The following PRKG1 variants were observed in gnomAD, a reference collection of about 807,000 sequenced individuals.
PRKG1 encodes protein kinase cGMP-dependent 1, also known as cGMP-dependent protein kinase 1.
A neutral mutation model predicts 88.1 loss-of-function variants in PRKG1; 35 were observed. The ratio of observed to expected loss-of-function variants is 0.40; its 90% CI spans 0.30 to 0.53. PRKG1 has a LOEUF of 0.53. Ranked by LOEUF, PRKG1 falls within the 20% of genes least tolerant of loss-of-function variation. The probability of loss-of-function intolerance (pLI) is 0.59; values close to 1 mark genes in which losing one functional copy is unlikely to be tolerated. For synonymous variants in PRKG1, 303 were observed against 292.5 expected, an observed-to-expected ratio of 1.04 and a Z score of -0.37; for missense variants, 540 against 839.8, an observed-to-expected ratio of 0.64 and a Z score of 4.41.
At chr10:52,114,774 G>A (rs114483320) in intron 7 of PRKG1, among the ~76,000 whole-genome samples, 2,727 of 152,078 alleles carry the variant, frequency 0.018, 80 homozygotes, top group African/African-American at 0.058. Context: ...TGCCTTCTCA[G>A]TGCTCCCAAT....
intron 2 of PRKG1, among the ~76,000 whole-genome samples, chr10:51,342,218 T>C (rs1434327826): frequency 6.6e-6 from 1 of 152,134 alleles, no homozygotes; most frequent in East Asian, 1.9e-4. Flanking sequence ...ATTTGTAGGA[T>C]AAGTAATAGG....
intron 3 of PRKG1, among the ~76,000 whole-genome samples, chr10:51,753,941 T>TTTG (rs201706072): frequency 2.0e-5 from 3 of 152,108 alleles, no homozygotes; most frequent in Non-Finnish European, 2.9e-5. Flanking sequence ...CTTTGATCGT[T>TTTG]TTGTTGTTGT....
intron 4 of PRKG1, among the ~76,000 whole-genome samples, chr10:51,898,028 CTT>C (rs1448954524): frequency 6.6e-6 from 1 of 152,126 alleles, no homozygotes. Context: ...TAATCTCCCT[CTT>C]TTCCCCAGTT....
At chr10:51,190,849 T>C (rs545058426) in intron 2 of PRKG1, among the ~76,000 whole-genome samples, 12 of 151,940 alleles carry the variant, frequency 7.9e-5, no homozygotes, top group African/African-American at 2.9e-4. Flanking sequence ...CTTCCCATAT[T>C]GTCATTGTGT....
chr10:51,483,942 C>A (rs187166315), intron 3 of PRKG1, among the ~76,000 whole-genome samples: 1 of 152,280 alleles, frequency 6.6e-6, no homozygotes, highest in East Asian at 1.9e-4. Flanking sequence ...AACTAATAAT[C>A]TAAGCAAATT....
At position 51,601,721 on chromosome 10, in the gene PRKG1, A is replaced by ATTTTTTT. The variant is rs749205610; in HGVS notation, c.592+133927_592+133933dup. ...TTTTAGAAATAAAGTGGCAGATTGA[A>ATTTTTTT]TTTTTTTTTTTTTTTTTTTTTTTTT... is the stretch of plus-strand genomic sequence containing the variant. On this transcript the variant is annotated intron_variant, in intron 3 of 17. Transcript: ENST00000373980. Among the ~76,000 whole-genome samples the ATTTTTTT allele has an allele frequency of 4.4e-4, 19 of 43,570 alleles. 1 individual carries two copies. The highest frequency in any genetic ancestry group is 6.7e-4 in the African/African-American group (9 of 13,340). 28.6% of individuals were successfully genotyped at this position (43,570 alleles called of 152,430 possible).
At chr10:51,287,793 T>G (rs946526591) in intron 2 of PRKG1, among the ~76,000 whole-genome samples, 3 of 152,116 alleles carry the variant, frequency 2.0e-5, no homozygotes, top group South Asian at 4.1e-4. Context: ...AACTAAGAGA[T>G]TTTATTATAC....
intron 2 of PRKG1, among the ~76,000 whole-genome samples, chr10:51,392,149 TA>T (rs1837419850): frequency 6.6e-6 from 1 of 151,786 alleles, no homozygotes; most frequent in Non-Finnish European, 1.5e-5. Context: ...TTTTTTTTTT[TA>T]ATTGATCATT....
rs545304650 is a variant in PRKG1 at position 51,194,631 on chromosome 10, A to T, written c.478+41301A>T. Among the ~76,000 whole-genome samples the T allele has an allele frequency of 1.0e-3, 152 of 152,098 alleles. 1 individual carries two copies. The highest frequency in any genetic ancestry group is 1.8e-3 in the Non-Finnish European group (125 of 67,988). ...AATGAAAAAATTTATTTGTGTTCAGATTGTCATATTTTAGTAGTTTTTCGG... is the reference window on the plus strand; with the variant it reads ...AATGAAAAAATTTATTTGTGTTCAGTTTGTCATATTTTAGTAGTTTTTCGG... On this transcript the variant is annotated intron_variant, in intron 2 of 17. Transcript: ENST00000373980.
chr10:51,031,544 A>C (rs1446112018), intron 1 of PRKG1, among the ~76,000 whole-genome samples: 1 of 152,204 alleles, frequency 6.6e-6, no homozygotes, highest in Non-Finnish European at 1.5e-5. Flanking sequence ...AGAATGAGGA[A>C]GAAGGAAACG....
At chr10:51,843,867 G>A (rs1038731485) in intron 4 of PRKG1, among the ~76,000 whole-genome samples, 2 of 152,042 alleles carry the variant, frequency 1.3e-5, no homozygotes, top group Admixed American at 1.3e-4. Context: ...CTTTTTTATT[G>A]TTCCACTTAA....
chr10:51,517,916 C>A (rs564966691), intron 3 of PRKG1, among the ~76,000 whole-genome samples: 1 of 152,192 alleles, frequency 6.6e-6, no homozygotes, highest in Admixed American at 6.5e-5. Context: ...TCTGTTTCAC[C>A]TTTATTCTCA....
chr10:52,103,535 C>T (rs1847344079), intron 7 of PRKG1, among the ~76,000 whole-genome samples: 1 of 152,030 alleles, frequency 6.6e-6, no homozygotes. Context: ...TTTTCTCTAG[C>T]TTACTTTCTT....
chr10:51,159,442 A>G (rs1379054620), intron 2 of PRKG1, among the ~76,000 whole-genome samples: 1 of 152,194 alleles, frequency 6.6e-6, no homozygotes, highest in East Asian at 1.9e-4. Flanking sequence ...ACTTAAAGTT[A>G]TACTTGCAAT....
chr10:51,736,101 A>G (rs1837271669), intron 3 of PRKG1, among the ~76,000 whole-genome samples: 1 of 151,486 alleles, frequency 6.6e-6, no homozygotes, highest in Admixed American at 6.6e-5. Context: ...CATGTTGGCC[A>G]GGCAGGTCTC....
chr10:51,690,346 C>T (rs1841105876), intron 3 of PRKG1, among the ~76,000 whole-genome samples: 1 of 151,518 alleles, frequency 6.6e-6, no homozygotes, highest in Admixed American at 6.5e-5. Flanking sequence ...TATATCAGGG[C>T]TATATAGGAC....
At chr10:51,141,101 C>G (rs1285652648) in intron 1 of PRKG1, among the ~76,000 whole-genome samples, 1 of 152,176 alleles carries the variant, frequency 6.6e-6, no homozygotes, top group Non-Finnish European at 1.5e-5. Flanking sequence ...GGGACCAACA[C>G]TCATCCCTCT....
At chr10:52,151,263 T>G (rs935239591) in intron 8 of PRKG1, among the ~76,000 whole-genome samples, 1 of 152,074 alleles carries the variant, frequency 6.6e-6, no homozygotes, top group Non-Finnish European at 1.5e-5. Flanking sequence ...TGGGCCCTAG[T>G]GTCGGTTTTT....
chr10:51,420,388 A>G (rs1232563615), intron 2 of PRKG1, among the ~76,000 whole-genome samples: 1 of 152,132 alleles, frequency 6.6e-6, no homozygotes, highest in Admixed American at 6.6e-5. Flanking sequence ...GGGACTCCAG[A>G]TTTCTTATTT....
Sources: allele counts gnomAD v4.1 joint callset (sites outside exome capture counted in the v4.1 genomes callset), GRCh38; gene constraint gnomAD v4.1.1; transcripts MANE v1.5; gene names NCBI Gene and HGNC (gene_info 2026-07-23, HGNC 2026-07-21).